SYNM: variants seen among roughly 807,000 people sequenced by gnomAD.
The protein encoded by SYNM is desmuslin.
In SYNM, 95 loss-of-function variants were observed where a neutral mutation model predicts 104.0. The observed-to-expected ratio is 0.91, with a 90% confidence interval of 0.77 to 1.08. The LOEUF is 1.08. Ranked by LOEUF, SYNM falls within the 50% of genes least tolerant of loss-of-function variation. The pLI is 0.00. For synonymous variants in SYNM, 918 were observed against 869.0 expected (o/e 1.06, Z -0.99); for missense variants, 2,150 against 2,052.2 (o/e 1.05, Z -0.92).
At chr15:99,127,037 G>A (rs1053484495) in intron 3 of SYNM, among the ~76,000 whole-genome samples, 2 of 152,182 alleles carry the variant, frequency 1.3e-5, no homozygotes, top group Non-Finnish European at 2.9e-5. Flanking sequence ...ATGCAGGAGC[G>A]GAAGGGGCTA....
rs770804843 is a variant in SYNM, at chr15:99,135,536, C to A, written c.*2478C>A. The A allele has an allele frequency of 1.3e-5, 2 of 152,540 alleles. No individual in the cohort carries two copies. Among genetic ancestry groups the A allele is most frequent in the East Asian group, 1.9e-4 (1 of 5,200 alleles). The allele number at this position is 152,540 out of a possible 1,614,324, so 9.4% of individuals were successfully genotyped here. A position where few individuals can be genotyped will look rare whatever the true frequency, so the allele number is the denominator to read the frequency against. On this transcript the variant is annotated 3_prime_UTR_variant, in exon 4 of 4. Coordinates refer to ENST00000336292, the MANE Select transcript of SYNM (RefSeq NM_145728.3). The stretch of plus-strand genomic sequence containing the variant: ...AGCTGATTTTGCTAAACTCCTGTTC[C>A]CTACAATGGGAAATGTCACAAGAAT...
At chr15:99,109,429 A>G (rs1225618464) in intron 1 of SYNM, among the ~76,000 whole-genome samples, 1 of 152,170 alleles carries the variant, frequency 6.6e-6, no homozygotes, top group Non-Finnish European at 1.5e-5. Context: ...CTGACTGGAA[A>G]AGGCTTCCAA....
chr15:99,116,429 A>G (rs781890180), intron 2 of SYNM, among the ~76,000 whole-genome samples: 2 of 104,264 alleles, frequency 1.9e-5, no homozygotes, highest in African/African-American at 5.9e-5. Context: ...TTTATTACTC[A>G]TATACCTGAA....
chr15:99,111,340 C>CACAT (rs1402312312), intron 1 of SYNM, among the ~76,000 whole-genome samples: 2 of 152,340 alleles, frequency 1.3e-5, no homozygotes, highest in African/African-American at 2.4e-5. Flanking sequence ...AGGAAGGACA[C>CACAT]ACATACATAC....
In SYNM at chr15:99,130,968, G is replaced by T. The variant is rs782506370; in HGVS notation, c.2608G>T (p.Val870Leu). Residue 870 changes from valine (V) to leucine (L), a missense_variant, in exon 4 of 4, where the codon GTG becomes TTG. Coordinates refer to ENST00000336292, the MANE Select transcript of SYNM (RefSeq NM_145728.3). ...TIRYSWQDEI[V>L]QGTRRRTQKD... ...CAGGTACTCTTGGCAGGATGAAATC[G>T]TGCAGGGGACTCGAAGGAGGACACA... is the stretch of plus-strand genomic sequence containing the variant. 1 of 1,613,872 alleles carries T rather than the reference G, an allele frequency of 6.2e-7. No individual in the cohort carries two copies. Among genetic ancestry groups the T allele is most frequent in the South Asian group, 1.1e-5 (1 of 91,062 alleles).
downstream of SYNM, chr15:99,138,024 TGCCGG>T (rs781813478): frequency 6.2e-6 from 10 of 1,614,032 alleles, no homozygotes; most frequent in Non-Finnish European, 8.5e-6. Context: ...TCTGCTGTTG[TGCCGG>T]GCCGGGCCTT....
Position 99,131,278 on chromosome 15 carries a change from G to C in SYNM, c.2918G>C (p.Arg973Thr), listed in dbSNP as rs782794052. ...RMREELSALT[R>T]EGQGGPGSVS... is the part of the protein sequence containing the mutation. Reference sequence around the variant, plus strand: ...AGGGAGGAGCTGTCCGCCCTCACCAGAGAGGGGCAGGGTGGGCCGGGGAGC... The same window carrying C: ...AGGGAGGAGCTGTCCGCCCTCACCACAGAGGGGCAGGGTGGGCCGGGGAGC... Residue 973 changes from arginine (R) to threonine (T), a missense_variant, in exon 4 of 4, where the codon AGA (arginine) becomes ACA (threonine). Coordinates refer to ENST00000336292, the MANE Select transcript of SYNM (RefSeq NM_145728.3). The surrounding 1 kb of genome is among the most constrained non-coding windows in gnomAD (Gnocchi z 4.3). The C allele has an allele frequency of 1.2e-6, 2 of 1,612,246 alleles. No individual in the cohort carries two copies. The highest frequency in any genetic ancestry group is 1.7e-6 in the Non-Finnish European group (2 of 1,179,388).
chr15:99,124,208 A>G (rs1244253804), intron 2 of SYNM, among the ~76,000 whole-genome samples: 1 of 152,316 alleles, frequency 6.6e-6, no homozygotes, highest in African/African-American at 2.4e-5. Flanking sequence ...AGAACATGCT[A>G]CCCATTTCTT....
In SYNM at chr15:99,105,684, T is replaced by C. The variant is rs1371139462; in HGVS notation, c.485T>C (p.Leu162Pro). ...VRELRARAAS[L>P]TMHFRARATG... is the part of the protein sequence containing the mutation. ...GAGCTGCGCGCGCGCGCCGCCAGCC[T>C]TACCATGCATTTCCGCGCCCGCGCC... Residue 162 changes from leucine to proline, a missense_variant, in exon 1 of 4, where the codon CTT (leucine) becomes CCT (proline). Transcript: ENST00000336292. 4.8e-6 allele frequency: 7 copies of C among 1,468,496 alleles called. No individual in the cohort carries two copies. The highest frequency in any genetic ancestry group is 1.5e-5 in the African/African-American group (1 of 66,852). The allele number at this position is 1,468,496 out of a possible 1,614,324, so 91.0% of individuals were successfully genotyped here.
rs2067480479 is a variant in SYNM at position 99,129,732 on chromosome 15, C to T, written c.1372C>T (p.Pro458Ser). Residue 458 changes from proline to serine, a missense_variant, in exon 4 of 4, where the codon CCC becomes TCC. By Grantham distance (74) the Pro-to-Ser change is moderately conservative. Coordinates refer to ENST00000336292, the MANE Select transcript of SYNM (RefSeq NM_145728.3). ...RPKAGDTREV[P>S]VYIGEDSTIA... ...AAAAGCCGGAGATACAAGGGAGGTC[C>T]CCGTTTACATAGGTGAAGATTCCAC... 3.1e-6 allele frequency: 5 copies of T among 1,613,582 alleles called. No individual in the cohort carries two copies. Among genetic ancestry groups the T allele is most frequent in the Non-Finnish European group, 4.2e-6 (5 of 1,179,882 alleles).
At chr15:99,123,918 C>T (rs1211021006) in intron 2 of SYNM, among the ~76,000 whole-genome samples, 4 of 152,276 alleles carry the variant, frequency 2.6e-5, no homozygotes, top group African/African-American at 4.8e-5. Flanking sequence ...CTGCTCAGGA[C>T]GCCGGGTGGC....
chr15:99,137,857 C>T, downstream of SYNM: 5 of 1,251,892 alleles, frequency 4.0e-6, no homozygotes, highest in South Asian at 4.5e-5. Flanking sequence ...CCACGGGAGG[C>T]TTATGGTCTC....
intron 2 of SYNM, among the ~76,000 whole-genome samples, chr15:99,124,260 G>A (rs1555484836): frequency 6.6e-6 from 1 of 152,230 alleles, no homozygotes; most frequent in East Asian, 1.9e-4. Flanking sequence ...CCCTTGCAGA[G>A]CTTTAGAGGA....
intron 1 of SYNM, among the ~76,000 whole-genome samples, chr15:99,110,918 T>G (rs943666522): frequency 2.0e-5 from 3 of 152,212 alleles, no homozygotes; most frequent in Non-Finnish European, 4.4e-5. Context: ...AGCCCAAGTC[T>G]GAAGTTTTAT....
chr15:99,111,964 A>C (rs1306615244), intron 1 of SYNM, among the ~76,000 whole-genome samples: 1 of 152,192 alleles, frequency 6.6e-6, no homozygotes, highest in Non-Finnish European at 1.5e-5. Flanking sequence ...CTGGAGAATC[A>C]CTTGAACCTG....
downstream of SYNM, among the ~76,000 whole-genome samples, chr15:99,138,338 G>T (rs782072923): frequency 5.3e-5 from 8 of 151,106 alleles, no homozygotes; most frequent in Non-Finnish European, 1.2e-4. Context: ...TTTTCAGACA[G>T]AGTCTCACTC....
At chr15:99,124,361 G>A (rs2067428894) in intron 2 of SYNM, among the ~76,000 whole-genome samples, 1 of 152,208 alleles carries the variant, frequency 6.6e-6, no homozygotes, top group South Asian at 2.1e-4. Context: ...CTGCCATTGG[G>A]CTGGATGTGC....
intron 2 of SYNM, among the ~76,000 whole-genome samples, chr15:99,119,086 C>T (rs1248170357): frequency 3.3e-5 from 5 of 152,104 alleles, no homozygotes; most frequent in East Asian, 1.9e-4. Flanking sequence ...CTGGAGTGTG[C>T]GTTTTATTGC....
Position 99,113,664 on chromosome 15 carries a change from A to T in SYNM, c.884A>T (p.Gln295Leu). The change falls in exon 2 of 4, where the codon CAG becomes CTG. Residue 295 changes from glutamine to leucine, a missense_variant. Gln to Leu is a moderately radical substitution (Grantham distance 113). Transcript: ENST00000336292. ...ATGGCTGACTGGCTGCGGGACTATC[A>T]GGACCTCCTGCAGGTGAAGACCGGC... ...LAMADWLRDY[Q>L]DLLQVKTGLS... 6.2e-7 allele frequency: 1 copy of T among 1,613,458 alleles called. No individual in the cohort carries two copies. The highest frequency in any genetic ancestry group is 8.5e-7 in the Non-Finnish European group (1 of 1,179,678).
Sources: allele counts gnomAD v4.1 joint callset (sites outside exome capture counted in the v4.1 genomes callset), GRCh38; gene constraint gnomAD v4.1.1; non-coding constraint Gnocchi (gnomAD v3.1); transcripts MANE v1.5; gene names NCBI Gene and HGNC (gene_info 2026-07-23, HGNC 2026-07-21).